The following LEPR variants were observed in gnomAD, a reference collection of about 807,000 sequenced individuals.
LEPR encodes leptin receptor, also known as OB receptor.
A neutral mutation model predicts 114.7 loss-of-function variants in LEPR; 56 were observed. The ratio of observed to expected loss-of-function variants is 0.49; its 90% CI spans 0.39 to 0.61. The LOEUF is 0.61. LEPR is among the 20% of genes least tolerant of loss of function. The pLI, the probability that LEPR is intolerant of heterozygous loss-of-function variation, is 0.00. For missense variants in LEPR, 1,202 were observed against 1,352.9 expected (o/e 0.89, Z 1.75); for synonymous variants, 443 against 461.4 (o/e 0.96, Z 0.51).
chr1:65,638,091 GTAA>G lies in LEPR; in HGVS notation c.*1078_*1080del, dbSNP rs1658770440. The G allele has an allele frequency of 6.6e-6, 1 of 152,208 alleles. No individual in the cohort carries two copies. The highest frequency in any genetic ancestry group is 1.5e-5 in the Non-Finnish European group (1 of 68,048). 9.4% of individuals were successfully genotyped at this position (152,208 alleles called of 1,614,324 possible). On this transcript the variant is annotated 3_prime_UTR_variant, in exon 20 of 20. Coordinates refer to ENST00000349533, the MANE Select transcript of LEPR (RefSeq NM_002303.6). The stretch of plus-strand genomic sequence containing the variant: ...GAGGCTGGCACAGTGGTGCATGCCT[GTAA>G]TCCCAGCACTTTGGGAGGCTGAGGC...
At chr1:65,585,016 A>G (rs1655224202) in intron 5 of LEPR, among the ~76,000 whole-genome samples, 1 of 152,062 alleles carries the variant, frequency 6.6e-6, no homozygotes, top group Non-Finnish European at 1.5e-5. Flanking sequence ...GCTTGCATTT[A>G]TTCAGAACAT....
chr1:65,589,727 C>T (rs1161348852), intron 5 of LEPR, among the ~76,000 whole-genome samples: 1 of 151,996 alleles, frequency 6.6e-6, no homozygotes, highest in African/African-American at 2.4e-5. Context: ...AATCAGTTGT[C>T]CATGTAAGTG....
chr1:65,602,526 T>C (rs1034968038), intron 10 of LEPR, among the ~76,000 whole-genome samples: 2 of 152,054 alleles, frequency 1.3e-5, no homozygotes, highest in Non-Finnish European at 2.9e-5. Context: ...CATCGTCTTA[T>C]AGTGGTCCCT....
At position 65,601,552 on chromosome 1, in the gene LEPR, T is replaced by A. The variant is rs1163098870; in HGVS notation, c.1155T>A (p.Ser385Arg). ...CTCAAAGCCAGTATGATGTTGTGAG[T>A]GATCATGTTAGCAAAGTTACTTTTT... is the stretch of plus-strand genomic sequence containing the variant. The part of the protein sequence containing the change: ...KIPQSQYDVV[S>R]DHVSKVTFFN... The change falls in exon 9 of 20, where the codon AGT (serine) becomes AGA (arginine). Residue 385 changes from serine (S) to arginine (R), a missense_variant. Coordinates refer to ENST00000349533, the MANE Select transcript of LEPR (RefSeq NM_002303.6). The A allele has an allele frequency of 6.2e-7, 1 of 1,613,762 alleles. No homozygotes were observed.
chr1:65,485,611 ACT>A lies in LEPR; in HGVS notation c.-21+60248_-21+60249del, dbSNP rs149629398. On this transcript the variant is annotated intron_variant, in intron 2 of 19. Transcript: ENST00000349533. ...CTTGTTGTCACATGCAGACACACAA[ACT>A]CTCTCTCTCTCTCTTTCTGAGAGGT... Among the ~76,000 whole-genome samples the A allele has an allele frequency of 4.9e-4, 74 of 149,844 alleles. 1 individual carries two copies. Among genetic ancestry groups the A allele is most frequent in the African/African-American group, 1.4e-3 (59 of 41,012 alleles).
At chr1:65,472,300 C>T (rs189046900) in intron 2 of LEPR, among the ~76,000 whole-genome samples, 1 of 151,914 alleles carries the variant, frequency 6.6e-6, no homozygotes, top group Non-Finnish European at 1.5e-5. Flanking sequence ...ACAGGGCTGT[C>T]ATTTGGGAAA....
In LEPR at chr1:65,633,886, TG is replaced by T; in HGVS notation, c.2674-2304del. On this transcript the variant is annotated intron_variant, in intron 19 of 19. Transcript: ENST00000349533. This position sits in a 1 kb window ranked among gnomAD's most constrained non-coding sequence, Gnocchi z 4.1. ...GTGGGAGTTACAGTTCATATCAGGA[TG>T]ACCCTACATACCCAGGTCAGATTGA... is the stretch of plus-strand genomic sequence containing the variant. 3 of 985,444 alleles carry T rather than the reference TG, an allele frequency of 3.0e-6. No individual in the cohort carries two copies. The highest frequency in any genetic ancestry group is 3.6e-6 in the Non-Finnish European group (3 of 829,930). 61.0% of individuals were successfully genotyped at this position (985,444 alleles called of 1,614,324 possible).
intron 2 of LEPR, among the ~76,000 whole-genome samples, chr1:65,533,819 C>T (rs191470352): frequency 1.3e-5 from 2 of 152,058 alleles, no homozygotes; most frequent in South Asian, 4.1e-4. Flanking sequence ...TTCTTGATTT[C>T]TAATGTTTCT....
At chr1:65,525,295 A>G (rs1004707607) in intron 2 of LEPR, among the ~76,000 whole-genome samples, 2 of 142,688 alleles carry the variant, frequency 1.4e-5, no homozygotes, top group Non-Finnish European at 3.1e-5. Flanking sequence ...GGACGGGGGA[A>G]CCCCAGTGCC....
chr1:65,481,942 T>C lies in LEPR; in HGVS notation c.-21+56564T>C, dbSNP rs371355527. On this transcript the variant is annotated intron_variant, in intron 2 of 19. Transcript: ENST00000349533. ...GCATTTTAGAAATTTTATATGATGA[T>C]TTAATATGGAACACCTACAACAAGC... Among the ~76,000 whole-genome samples, 5 of 151,876 alleles carry C rather than the reference T, an allele frequency of 3.3e-5. 1 individual carries two copies.
chr1:65,595,114 T>C (rs571027675), intron 6 of LEPR, among the ~76,000 whole-genome samples: 101 of 152,040 alleles, frequency 6.6e-4, no homozygotes, highest in African/African-American at 2.3e-3. Flanking sequence ...AAAAGACATA[T>C]AGGAGACCTC....
intron 12 of LEPR, among the ~76,000 whole-genome samples, 166 bp from the exon 13 acceptor site, chr1:65,609,781 G>A (rs1202823982): frequency 1.3e-5 from 2 of 152,130 alleles, no homozygotes; most frequent in East Asian, 3.8e-4. Context: ...ACTTGAAGGA[G>A]TTTACAATCC....
intron 2 of LEPR, among the ~76,000 whole-genome samples, chr1:65,503,796 T>TACACAC (rs71584485): frequency 1.2e-3 from 181 of 147,368 alleles, no homozygotes; most frequent in Non-Finnish European, 1.9e-3. Flanking sequence ...TGAAGTTAGC[T>TACACAC]ACACACACAC....
intron 2 of LEPR, among the ~76,000 whole-genome samples, chr1:65,506,514 G>T (rs1648737538): frequency 6.6e-6 from 1 of 152,186 alleles, no homozygotes; most frequent in Non-Finnish European, 1.5e-5. Flanking sequence ...GATGCAGTGT[G>T]ACAGTGACTT....
chr1:65,479,206 G>A (rs1008331087), intron 2 of LEPR, among the ~76,000 whole-genome samples: 5 of 152,052 alleles, frequency 3.3e-5, no homozygotes, highest in African/African-American at 1.2e-4. Flanking sequence ...ATAAAGCTCA[G>A]GATTATTCAG....
In LEPR at chr1:65,592,556, C is replaced by T. The variant is rs1209531117; in HGVS notation, c.495-101C>T. 2.3e-5 allele frequency: 29 copies of T among 1,288,186 alleles called. No individual in the cohort carries two copies. In the South Asian group the frequency reaches 2.9e-4, roughly 13 times the overall value. 79.8% of individuals were successfully genotyped at this position (1,288,186 alleles called of 1,614,324 possible). ...TTCAGATACCCTTTAAGCTGGGTGT[C>T]CCAAATAGTTTACTTCAATTAGTAT... On this transcript the variant is annotated intron_variant, in intron 5 of 19. Coordinates refer to ENST00000349533, the MANE Select transcript of LEPR (RefSeq NM_002303.6).
At chr1:65,544,216 G>A (rs542448302) in intron 2 of LEPR, among the ~76,000 whole-genome samples, 9 of 152,048 alleles carry the variant, frequency 5.9e-5, no homozygotes, top group African/African-American at 2.2e-4. Context: ...GTGAATGGGA[G>A]TTCACTCATG....
intron 2 of LEPR, among the ~76,000 whole-genome samples, chr1:65,516,511 C>T (rs952898982): frequency 3.9e-5 from 6 of 152,194 alleles, no homozygotes; most frequent in East Asian, 1.9e-4. Context: ...GTGTTTCCGG[C>T]TCAAGCAGAG....
chr1:65,620,019 T>G lies in LEPR; in HGVS notation c.2487T>G (p.Thr829=), dbSNP rs745453240. 6.2e-7 allele frequency: 1 copy of G among 1,607,520 alleles called. No homozygotes were observed. ...VGKPKIINSF[T]QDDIEKHQSD... is the part of the protein sequence containing the mutation. The stretch of plus-strand genomic sequence containing the variant: ...AACCAAAGATAATTAATAGTTTCAC[T>G]CAAGGTAAAAATTATAATTTTAGTT... The change falls in exon 17 of 20, where the codon ACT becomes ACG. Residue 829 remains threonine, a synonymous_variant. Coordinates refer to ENST00000349533, the MANE Select transcript of LEPR (RefSeq NM_002303.6).
Sources: allele counts gnomAD v4.1 joint callset (sites outside exome capture counted in the v4.1 genomes callset), GRCh38; gene constraint gnomAD v4.1.1; non-coding constraint Gnocchi (gnomAD v3.1); transcripts MANE v1.5; gene names NCBI Gene and HGNC (gene_info 2026-07-23, HGNC 2026-07-21).